Variants in PI4KA observed in about 807,000 individuals in gnomAD.
PI4KA encodes the protein PI4-kinase alpha.
Under a neutral mutation model 271.4 loss-of-function variants are expected in PI4KA, and 122 were observed. The ratio of observed to expected loss-of-function variants is 0.45; its 90% CI spans 0.39 to 0.52. The LOEUF (loss-of-function observed/expected upper bound fraction) is 0.52, where lower values mean the gene tolerates loss of function less well. PI4KA is among the 20% of genes least tolerant of loss of function. PI4KA has a pLI of 0.00. For missense variants in PI4KA, 1,969 were observed against 2,769.1 expected, an observed-to-expected ratio of 0.71 and a Z score of 6.48; for synonymous variants, 1,041 against 1,078.8, an observed-to-expected ratio of 0.96 and a Z score of 0.69.
At chr22:20,795,717 G>C (rs1387429081) in intron 18 of PI4KA, among the ~76,000 whole-genome samples, 1 of 152,146 alleles carries the variant, frequency 6.6e-6, no homozygotes, top group Admixed American at 6.5e-5. Flanking sequence ...TATCTCAGTA[G>C]ACCTGTCTTC....
chr22:20,737,751 C>A (rs1434317801), intron 32 of PI4KA, among the ~76,000 whole-genome samples: 1 of 151,994 alleles, frequency 6.6e-6, no homozygotes, highest in Non-Finnish European at 1.5e-5. Context: ...CCTGCCTCAG[C>A]CTCCTAAGTA....
rs530245238 is a variant in PI4KA at position 20,774,877 on chromosome 22, C to T, written c.2329-9184G>A. On this transcript the variant is annotated intron_variant, in intron 19 of 54. Transcript: ENST00000255882. ...ATGTGCATGCCTGTGAGAACACACACGTACGTACACACACACACAGATAAT... is the reference window on the plus strand; with the variant it reads ...ATGTGCATGCCTGTGAGAACACACATGTACGTACACACACACACAGATAAT... Among the ~76,000 whole-genome samples, 14 of 152,118 alleles carry T rather than the reference C, an allele frequency of 9.2e-5. 1 individual carries two copies. The highest frequency in any genetic ancestry group is 4.2e-4 in the South Asian group (2 of 4,812).
chr22:20,819,739 A>G lies in PI4KA; in HGVS notation c.691T>C (p.Phe231Leu). 1 of 1,614,124 alleles carries G rather than the reference A, an allele frequency of 6.2e-7. No individual in the cohort carries two copies. The highest frequency in any genetic ancestry group is 1.1e-5 in the South Asian group (1 of 91,086). The stretch of plus-strand genomic sequence containing the variant: ...GGGAGGATGGAGCGGAAGTCATTAA[A>G]GGAACGCCTTCGAACACCTTCAAGC... The part of the protein sequence containing the change: ...EELEGVRRRS[F>L]NDFRSILPSN... The change falls in exon 6 of 55, where the codon TTT becomes CTT. Residue 231 changes from phenylalanine to leucine, a missense_variant. Transcript: ENST00000255882.
chr22:20,759,467 G>A (rs1381236671), intron 23 of PI4KA, among the ~76,000 whole-genome samples: 2 of 137,312 alleles, frequency 1.5e-5, no homozygotes, highest in Non-Finnish European at 3.0e-5. Flanking sequence ...GCTGAGGCAC[G>A]ATCTCGGCTC....
Position 20,849,100 on chromosome 22 carries a change from A to C in PI4KA, c.156+9470T>G, listed in dbSNP as rs541056709. Among the ~76,000 whole-genome samples, 5 of 152,344 alleles carry C rather than the reference A, an allele frequency of 3.3e-5. No homozygotes were observed. The South Asian group carries it at 1.0e-3, about 32-fold the overall frequency. On this transcript the variant is annotated intron_variant, in intron 1 of 54. Transcript: ENST00000255882. ...CTAGGATAGAATAGGCTGGCTCAAC[A>C]TCATTAACCATCAGGCAAATGCATA...
At chr22:20,757,705 G>A (rs1034348040) in intron 23 of PI4KA, among the ~76,000 whole-genome samples, 2 of 152,012 alleles carry the variant, frequency 1.3e-5, no homozygotes, top group African/African-American at 4.8e-5. Context: ...CACCGCACCT[G>A]GCTAATTTTT....
intron 1 of PI4KA, among the ~76,000 whole-genome samples, chr22:20,854,921 G>A (rs1253767446): frequency 6.6e-6 from 1 of 152,172 alleles, no homozygotes; most frequent in Non-Finnish European, 1.5e-5. Context: ...GGAGGCCGAG[G>A]TGGGCGGATC....
At position 20,811,100 on chromosome 22, in the gene PI4KA, C is replaced by T. The variant is rs1031158128; in HGVS notation, c.1006-68G>A. 6 of 1,187,668 alleles carry T rather than the reference C, an allele frequency of 5.1e-6. No homozygotes were observed. In the African/African-American group the frequency reaches 6.0e-5, roughly 12 times the overall value. 73.6% of individuals were successfully genotyped at this position (1,187,668 alleles called of 1,614,324 possible). ...GAGACAGGAATGCTAGCTCCTTCTACCGAAAACCCATGACAAACTCACATG... is the reference window on the plus strand; with the variant it reads ...GAGACAGGAATGCTAGCTCCTTCTATCGAAAACCCATGACAAACTCACATG... On this transcript the variant is annotated intron_variant, in intron 8 of 54. Coordinates refer to ENST00000255882, the MANE Select transcript of PI4KA (RefSeq NM_058004.4).
chr22:20,779,412 AC>A, intron 19 of PI4KA: 3 of 1,614,232 alleles, frequency 1.9e-6, no homozygotes, highest in Non-Finnish European at 2.5e-6. Flanking sequence ...AGGAGGGGAA[AC>A]TGCTCAGTCT....
chr22:20,715,461 CT>C (rs1298201906), intron 45 of PI4KA, among the ~76,000 whole-genome samples: 3 of 151,994 alleles, frequency 2.0e-5, no homozygotes, highest in African/African-American at 2.4e-5. Context: ...GCCTTTAGGA[CT>C]TTTGTCTAAG....
chr22:20,806,971 G>A (rs547465140), intron 10 of PI4KA, among the ~76,000 whole-genome samples: 3 of 152,204 alleles, frequency 2.0e-5, no homozygotes, highest in Non-Finnish European at 4.4e-5. Flanking sequence ...CTGACCTTAA[G>A]TGATCAGCCC....
chr22:20,794,881 G>A (rs1934885395), intron 18 of PI4KA, among the ~76,000 whole-genome samples: 1 of 152,174 alleles, frequency 6.6e-6, no homozygotes, highest in Admixed American at 6.5e-5. Context: ...TTCGTTCATA[G>A]ACAGGTGACC....
intron 1 of PI4KA, among the ~76,000 whole-genome samples, chr22:20,846,506 A>G (rs1336595618): frequency 1.3e-5 from 2 of 152,042 alleles, no homozygotes; most frequent in South Asian, 2.1e-4. Context: ...AGTGGGGGGA[A>G]CAACGCACGC....
At chr22:20,830,614 CTT>C (rs1164102566) in intron 3 of PI4KA, among the ~76,000 whole-genome samples, 1 of 152,124 alleles carries the variant, frequency 6.6e-6, no homozygotes, top group East Asian at 1.9e-4. Flanking sequence ...CACAATGTGT[CTT>C]TTAAAGGGAT....
intron 19 of PI4KA, among the ~76,000 whole-genome samples, chr22:20,784,539 T>C (rs577248202): frequency 2.0e-5 from 3 of 152,222 alleles, no homozygotes; most frequent in Admixed American, 1.3e-4. Context: ...AGCTTCATCA[T>C]CCCTAAAATG....
intron 44 of PI4KA, 142 bp downstream of exon 44, chr22:20,718,551 A>G (rs1926299656): frequency 1.0e-6 from 1 of 971,316 alleles, no homozygotes; most frequent in African/African-American, 1.7e-5. Context: ...CATCAGAACC[A>G]CCAGCGGCCC....
chr22:20,773,543 T>C (rs1933005042), intron 19 of PI4KA, among the ~76,000 whole-genome samples: 1 of 152,216 alleles, frequency 6.6e-6, no homozygotes, highest in Non-Finnish European at 1.5e-5. Context: ...CTGCACCTAC[T>C]GGCAACAAAC....
At chr22:20,767,139 T>C (rs932077397) in intron 19 of PI4KA, among the ~76,000 whole-genome samples, 11 of 152,040 alleles carry the variant, frequency 7.2e-5, no homozygotes, top group African/African-American at 2.7e-4. Context: ...TAAGTAATGG[T>C]ATATTAAAAG....
intron 3 of PI4KA, among the ~76,000 whole-genome samples, chr22:20,829,148 T>C (rs988501319): frequency 6.6e-6 from 1 of 152,158 alleles, no homozygotes; most frequent in African/African-American, 2.4e-5. Context: ...TGCCAGGTTT[T>C]GGTATCAGCA....
Sources: allele counts gnomAD v4.1 joint callset (sites outside exome capture counted in the v4.1 genomes callset), GRCh38; gene constraint gnomAD v4.1.1; transcripts MANE v1.5; gene names NCBI Gene and HGNC (gene_info 2026-07-23, HGNC 2026-07-21).